The following CLCN5 variants were observed in gnomAD, a reference collection of about 807,000 sequenced individuals.
CLCN5 encodes the protein Cl-/H+ antiporter 5, also known as H(+)/Cl(-) exchange transporter 5.
In CLCN5, 17 loss-of-function variants were observed where a neutral mutation model predicts 54.0. The ratio of observed to expected loss-of-function variants is 0.31; its 90% confidence interval spans 0.22 to 0.47. The LOEUF (loss-of-function observed/expected upper bound fraction) is 0.47. CLCN5 is among the 20% of genes least tolerant of loss of function. The pLI is 1.00. For synonymous variants in CLCN5, 222 were observed against 233.0 expected (o/e 0.95, Z 0.43); for missense variants, 448 against 646.7 (o/e 0.69, Z 3.33).
At chrX:50,063,869 A>T (rs1216414269) in intron 4 of CLCN5, among the ~76,000 whole-genome samples, 1 of 111,319 alleles carries the variant, frequency 9.0e-6, no homozygotes, top group Non-Finnish European at 1.9e-5. Context: ...GCAAATCAAT[A>T]AATGTAATCC....
At chrX:50,085,482 C>T (rs952704171) in intron 9 of CLCN5, 1 of 185,877 alleles carries the variant, frequency 5.4e-6, no homozygotes, top group African/African-American at 3.0e-5. Context: ...ACACAGGGTA[C>T]GAGAGACTCT....
At chrX:49,979,826 C>CT (rs1928652952) in intron 3 of CLCN5, among the ~76,000 whole-genome samples, 1 of 110,557 alleles carries the variant, frequency 9.0e-6, no homozygotes, top group Non-Finnish European at 1.9e-5. Flanking sequence ...TTCACATATG[C>CT]TTTTTTGTGA....
At chrX:50,088,489 G>T in intron 11 of CLCN5, 1 of 440,104 alleles carries the variant, frequency 2.3e-6, no homozygotes, top group Non-Finnish European at 4.0e-6. Context: ...ATCAGGGTAA[G>T]CTTCTTTGCA....
intron 3 of CLCN5, among the ~76,000 whole-genome samples, chrX:50,002,501 T>C (rs782307057): frequency 1.8e-5 from 2 of 112,114 alleles, no homozygotes; most frequent in African/African-American, 6.5e-5. Flanking sequence ...TCTTGTTGGC[T>C]CTACTTTCAA....
intron 3 of CLCN5, among the ~76,000 whole-genome samples, chrX:49,959,701 C>T (rs189691900): frequency 1.3e-4 from 14 of 111,581 alleles, no homozygotes; most frequent in Non-Finnish European, 2.1e-4. Context: ...CTTTCATTGG[C>T]ACAGACCTAT....
At chrX:49,958,790 T>C (rs1381935029) in intron 3 of CLCN5, among the ~76,000 whole-genome samples, 2 of 111,981 alleles carry the variant, frequency 1.8e-5, no homozygotes, top group African/African-American at 3.2e-5. Flanking sequence ...TGAACTCTTA[T>C]TCACATTTGT....
rs782576029 is a variant in CLCN5, at chrX:49,923,041, G to C, written c.-205+249G>C. 1.4e-4 allele frequency among the ~76,000 whole-genome samples: 16 copies of C among 113,094 alleles called. No homozygotes were observed. The South Asian group carries it at 2.2e-3, about 15-fold the overall frequency. ...AGCCCAGCCCTGTTCTCCGAGTTAT[G>C]GTCCCTGGGTTGCCCGAGCGAAGTT... is the stretch of plus-strand genomic sequence containing the variant. On this transcript the variant is annotated intron_variant, in intron 1 of 14. Transcript: ENST00000376091.
intron 3 of CLCN5, among the ~76,000 whole-genome samples, chrX:49,977,525 T>G (rs1557177080): frequency 9.0e-6 from 1 of 111,583 alleles, no homozygotes; most frequent in Admixed American, 9.5e-5. Context: ...TCCCTCCAAA[T>G]CTAGTGTAAT....
At chrX:49,923,104 A>T (rs1601942164) in intron 1 of CLCN5, among the ~76,000 whole-genome samples, 1 of 113,052 alleles carries the variant, frequency 8.8e-6, no homozygotes, top group African/African-American at 3.2e-5. Flanking sequence ...CCGCTTTTGA[A>T]TCGGAGTGTT....
At chrX:50,064,160 G>T (rs1175153944) in intron 4 of CLCN5, among the ~76,000 whole-genome samples, 1 of 109,289 alleles carries the variant, frequency 9.2e-6, no homozygotes, top group Non-Finnish European at 1.9e-5. Flanking sequence ...TTCTGGCCAG[G>T]GCAATCAGGC....
intron 7 of CLCN5, among the ~76,000 whole-genome samples, chrX:50,077,613 AGAGAGAGAGT>A (rs1445718204): frequency 7.4e-4 from 67 of 91,139 alleles, no homozygotes; most frequent in African/African-American, 3.2e-3. Context: ...AGAGAGAGAG[AGAGAGAGAGT>A]GTGTGTGTGT....
intron 7 of CLCN5, among the ~76,000 whole-genome samples, chrX:50,079,607 A>G (rs1416810514): frequency 8.9e-6 from 1 of 112,375 alleles, no homozygotes; most frequent in Non-Finnish European, 1.9e-5. Context: ...ATTTTAAAAA[A>G]TAGTTGTTTC....
chrX:50,000,029 G>A (rs968606582), intron 3 of CLCN5, among the ~76,000 whole-genome samples: 11 of 110,763 alleles, frequency 9.9e-5, no homozygotes, highest in Non-Finnish European at 2.1e-4. Flanking sequence ...CCCATGCAGG[G>A]GTGCAAGCCT....
chrX:49,959,279 A>C (rs1927482522), intron 3 of CLCN5, among the ~76,000 whole-genome samples: 1 of 111,804 alleles, frequency 8.9e-6, no homozygotes, highest in African/African-American at 3.3e-5. Context: ...TTTCACTTCT[A>C]CTTTTACCAA....
At chrX:50,053,283 C>G (rs1401612703) in intron 4 of CLCN5, among the ~76,000 whole-genome samples, 1 of 111,479 alleles carries the variant, frequency 9.0e-6, no homozygotes, top group African/African-American at 3.3e-5. Flanking sequence ...TTGTGTCTTT[C>G]AAGTAGTTGG....
At position 50,095,079 on chromosome X, in the gene CLCN5, T is replaced by C. The variant is rs140913229; in HGVS notation, c.*2860T>C. On this transcript the variant is annotated 3_prime_UTR_variant, in exon 15 of 15. Coordinates refer to ENST00000376091, the MANE Select transcript of CLCN5 (RefSeq NM_001127898.4). ...AAAAATTAATGAGTCGAGATGAGACTATTTTGGTATTAAATGAGAAAATTG... is the reference window on the plus strand; with the variant it reads ...AAAAATTAATGAGTCGAGATGAGACCATTTTGGTATTAAATGAGAAAATTG... 4,650 of 112,253 alleles carry C rather than the reference T, an allele frequency of 0.041. 94 individuals are homozygous for C. Among genetic ancestry groups the C allele is most frequent in the Non-Finnish European group, 0.064 (3,404 of 53,179 alleles). The allele number at this position is 112,253 out of a possible 1,213,427, so 9.3% of individuals were successfully genotyped here.
At chrX:50,080,164 AACTTTAGATCCGCTCTTC>A (rs1933627872) in intron 7 of CLCN5, among the ~76,000 whole-genome samples, 1 of 111,617 alleles carries the variant, frequency 9.0e-6, no homozygotes, top group African/African-American at 3.3e-5. Context: ...AATTTAGTGG[AACTTTAGATCCGCTCTTC>A]ACTTCAGATG....
intron 3 of CLCN5, among the ~76,000 whole-genome samples, chrX:50,026,940 G>T (rs1386568606): frequency 9.1e-6 from 1 of 109,869 alleles, no homozygotes; most frequent in African/African-American, 3.3e-5. Flanking sequence ...CTGTGGTTTG[G>T]TATCTGTCAT....
chrX:49,965,132 C>T (rs182172452), intron 3 of CLCN5, among the ~76,000 whole-genome samples: 1 of 111,615 alleles, frequency 9.0e-6, no homozygotes, highest in East Asian at 2.8e-4. Flanking sequence ...GCTTACTCCT[C>T]CTCAGCTTAA....
Sources: gnomAD v4.1 joint callset for allele counts (sites outside exome capture counted in the v4.1 genomes callset) on GRCh38, gnomAD v4.1.1 for gene constraint, MANE v1.5 for transcripts, NCBI Gene and HGNC (gene_info 2026-07-23, HGNC 2026-07-21) for gene names.